GALNT13: variants seen among roughly 807,000 people sequenced by gnomAD.
The protein encoded by GALNT13 is polypeptide N-acetylgalactosaminyltransferase 13.
In GALNT13, 28 loss-of-function variants were observed where a neutral mutation model predicts 64.2. The ratio of observed to expected loss-of-function variants is 0.44; its 90% CI spans 0.32 to 0.60. The LOEUF is 0.60. GALNT13 is among the 20% of genes least tolerant of loss of function. The probability of loss-of-function intolerance (pLI) is 0.05; values close to 1 mark genes in which losing one functional copy is unlikely to be tolerated. For synonymous variants in GALNT13, 214 were observed against 224.6 expected (o/e 0.95, Z 0.42); for missense variants, 577 against 669.8 (o/e 0.86, Z 1.53).
At chr2:154,370,324 T>C (rs1697612612) in intron 9 of GALNT13, among the ~76,000 whole-genome samples, 1 of 152,148 alleles carries the variant, frequency 6.6e-6, no homozygotes, top group African/African-American at 2.4e-5. Context: ...CAAAGTCTGA[T>C]ATGCGTTTTT....
intron 3 of GALNT13, among the ~76,000 whole-genome samples, chr2:154,118,723 A>G (rs62171168): frequency 0.073 from 11,093 of 151,852 alleles, 565 homozygotes; most frequent in Middle Eastern, 0.13. Context: ...TTTGTGCTCT[A>G]CTAAAGATTT....
At chr2:153,340,955 C>A in the GALNT13 span, among the ~76,000 whole-genome samples, 4 of 152,146 alleles carry the variant, frequency 2.6e-5, no homozygotes, top group African/African-American at 9.7e-5. Flanking sequence ...AATGCAAATT[C>A]TTGGGTTCTA....
the GALNT13 span, among the ~76,000 whole-genome samples, chr2:153,418,235 G>A: frequency 6.6e-6 from 1 of 152,166 alleles, no homozygotes; most frequent in Non-Finnish European, 1.5e-5. Flanking sequence ...ACAAGCCAAG[G>A]AATTCAAGTA....
intron 8 of GALNT13, among the ~76,000 whole-genome samples, chr2:154,280,969 T>C (rs2105939511): frequency 6.6e-6 from 1 of 152,326 alleles, no homozygotes; most frequent in Non-Finnish European, 1.5e-5. Flanking sequence ...GGCTTAATTA[T>C]ACAACGAGGA....
intron 6 of GALNT13, among the ~76,000 whole-genome samples, chr2:154,243,910 G>A (rs1385821866): frequency 6.6e-6 from 1 of 152,168 alleles, no homozygotes; most frequent in Non-Finnish European, 1.5e-5. Flanking sequence ...GAAGATGGAT[G>A]GAAGCTGTCA....
chr2:154,125,861 T>C (rs1574550733), intron 3 of GALNT13, among the ~76,000 whole-genome samples: 1 of 152,190 alleles, frequency 6.6e-6, no homozygotes, highest in Non-Finnish European at 1.5e-5. Flanking sequence ...TAGCTTGCTT[T>C]AAAGTCCCAG....
At position 154,259,151 on chromosome 2, in the gene GALNT13, T is replaced by C. The variant is rs1690551538; in HGVS notation, c.975+13T>C. ...AATGTCTTTTAGGGTAATTGCATTT[T>C]ATTTTATTTTTTGATGCTGAACATA... On this transcript the variant is annotated intron_variant, in intron 8 of 12. Coordinates refer to ENST00000392825, the MANE Select transcript of GALNT13 (RefSeq NM_052917.4). 7.2e-7 allele frequency: 1 copy of C among 1,391,504 alleles called. No individual in the cohort carries two copies. The highest frequency in any genetic ancestry group is 1.0e-6 in the Non-Finnish European group (1 of 980,212). 86.2% of individuals were successfully genotyped at this position (1,391,504 alleles called of 1,614,324 possible).
intron 3 of GALNT13, among the ~76,000 whole-genome samples, chr2:154,076,681 G>T (rs969906908): frequency 1.3e-5 from 2 of 151,614 alleles, no homozygotes; most frequent in Non-Finnish European, 3.0e-5. Flanking sequence ...AAACTGGGTG[G>T]GATATATTAA....
At chr2:153,628,741 C>T in the GALNT13 span, among the ~76,000 whole-genome samples, 456 of 152,044 alleles carry the variant, frequency 3.0e-3, 3 homozygotes, top group Middle Eastern at 0.01. Flanking sequence ...TGCTGGATTT[C>T]GTTTGCCAGT....
At chr2:153,979,231 G>C (rs542517877) in intron 3 of GALNT13, among the ~76,000 whole-genome samples, 2 of 152,166 alleles carry the variant, frequency 1.3e-5, no homozygotes, top group South Asian at 4.2e-4. Context: ...CAAATCAATA[G>C]TGTTGTACTT....
the GALNT13 span, among the ~76,000 whole-genome samples, chr2:153,330,080 G>T: frequency 6.6e-6 from 1 of 152,188 alleles, no homozygotes; most frequent in Non-Finnish European, 1.5e-5. Flanking sequence ...AAGTTCAGAT[G>T]GTTGTAGGTG....
chr2:153,683,796 T>C, the GALNT13 span, among the ~76,000 whole-genome samples: 1 of 151,694 alleles, frequency 6.6e-6, no homozygotes, highest in South Asian at 2.1e-4. Flanking sequence ...TCTAATCTTT[T>C]GGGAGTAACT....
chr2:153,720,863 T>C, the GALNT13 span, among the ~76,000 whole-genome samples: 1 of 150,464 alleles, frequency 6.6e-6, no homozygotes, highest in Non-Finnish European at 1.5e-5. Flanking sequence ...ATGGGGAGAA[T>C]GGAACCAAGT....
chr2:153,552,939 A>G, the GALNT13 span, among the ~76,000 whole-genome samples: 1 of 152,144 alleles, frequency 6.6e-6, no homozygotes, highest in Non-Finnish European at 1.5e-5. Context: ...GTGGAAGCTC[A>G]GGCAGTAATG....
At chr2:154,069,376 AC>A (rs1452213849) in intron 3 of GALNT13, among the ~76,000 whole-genome samples, 1 of 151,942 alleles carries the variant, frequency 6.6e-6, no homozygotes, top group African/African-American at 2.4e-5. Context: ...ACATAAATAA[AC>A]CCTTAAAAAT....
the GALNT13 span, among the ~76,000 whole-genome samples, chr2:153,677,744 T>C: frequency 6.6e-6 from 1 of 151,714 alleles, no homozygotes; most frequent in South Asian, 2.1e-4. Context: ...TACAACCATC[T>C]GATCTTCAAC....
At chr2:153,785,131 TC>T in the GALNT13 span, among the ~76,000 whole-genome samples, 1 of 152,226 alleles carries the variant, frequency 6.6e-6, no homozygotes, top group Non-Finnish European at 1.5e-5. Context: ...CTTTGCTGTT[TC>T]TCAGCCTTAG....
At chr2:153,303,827 C>G in the GALNT13 span, among the ~76,000 whole-genome samples, 1 of 151,996 alleles carries the variant, frequency 6.6e-6, no homozygotes, top group Non-Finnish European at 1.5e-5. Flanking sequence ...TTCACAGCCT[C>G]TTTCTAACAC....
chr2:154,043,757 GCAT>G (rs1292023158), intron 3 of GALNT13, among the ~76,000 whole-genome samples: 6 of 152,068 alleles, frequency 3.9e-5, no homozygotes, highest in Admixed American at 3.9e-4. Flanking sequence ...CATGTGACAA[GCAT>G]CATAACAAAC....
Sources: gnomAD v4.1 joint callset for allele counts (sites outside exome capture counted in the v4.1 genomes callset) on GRCh38, gnomAD v4.1.1 for gene constraint, MANE v1.5 for transcripts, NCBI Gene and HGNC (gene_info 2026-07-23, HGNC 2026-07-21) for gene names.